Variants in XKR6 observed in about 807,000 individuals in gnomAD.
The protein encoded by XKR6 is XK related 6.
XKR6 carries 22 observed loss-of-function variants against 56.7 expected under a neutral mutation model. The observed-to-expected ratio is 0.39, with a 90% CI of 0.28 to 0.55. The LOEUF (loss-of-function observed/expected upper bound fraction) is 0.55. Ranked by LOEUF, XKR6 falls within the 20% of genes least tolerant of loss-of-function variation. The pLI is 0.66. For synonymous variants in XKR6, 524 were observed against 387.8 expected (o/e 1.35, Z -4.13); for missense variants, 852 against 889.0 (o/e 0.96, Z 0.53).
At chr8:11,107,465 G>C (rs550166006) in intron 1 of XKR6, among the ~76,000 whole-genome samples, 1 of 152,078 alleles carries the variant, frequency 6.6e-6, no homozygotes, top group African/African-American at 2.4e-5. Context: ...GATTTTAGGC[G>C]TGAGCCACCA....
chr8:11,190,567 G>C (rs1057485204), intron 1 of XKR6, among the ~76,000 whole-genome samples: 1 of 152,190 alleles, frequency 6.6e-6, no homozygotes, highest in East Asian at 1.9e-4. Flanking sequence ...TTCATCAGCA[G>C]TTACAATCAA....
chr8:10,902,064 T>C (rs375371454), intron 2 of XKR6, among the ~76,000 whole-genome samples: 2 of 152,194 alleles, frequency 1.3e-5, no homozygotes, highest in South Asian at 2.1e-4. Context: ...ACTCCCTTCA[T>C]GGCAGTGGTG....
intron 1 of XKR6, among the ~76,000 whole-genome samples, chr8:11,144,698 G>A (rs1313032500): frequency 1.3e-5 from 2 of 152,142 alleles, no homozygotes; most frequent in African/African-American, 4.8e-5. Flanking sequence ...GTAGCAAGCC[G>A]CCAAGCTCCT....
intron 1 of XKR6, among the ~76,000 whole-genome samples, chr8:10,966,521 A>G (rs1802228692): frequency 6.6e-6 from 1 of 152,042 alleles, no homozygotes; most frequent in African/African-American, 2.4e-5. Context: ...AAAATACAAA[A>G]AAATTAGCCT....
At chr8:11,154,967 A>T (rs1801445496) in intron 1 of XKR6, among the ~76,000 whole-genome samples, 1 of 152,212 alleles carries the variant, frequency 6.6e-6, no homozygotes, top group Non-Finnish European at 1.5e-5. Context: ...CCTGGAAGGG[A>T]AAGACAAATC....
intron 1 of XKR6, among the ~76,000 whole-genome samples, chr8:11,044,846 C>T (rs1483373803): frequency 3.3e-5 from 5 of 151,970 alleles, no homozygotes; most frequent in African/African-American, 1.2e-4. Context: ...TCTTGAACTC[C>T]TGACCTTGTG....
chr8:11,160,178 T>C (rs187573670), intron 1 of XKR6, among the ~76,000 whole-genome samples: 27 of 152,140 alleles, frequency 1.8e-4, no homozygotes, highest in South Asian at 1.5e-3. Context: ...TAATCACATA[T>C]GAAGAAAATG....
chr8:11,109,186 AT>A (rs1463791109), intron 1 of XKR6: 1 of 152,160 alleles, frequency 6.6e-6, no homozygotes, highest in Non-Finnish European at 1.5e-5. Flanking sequence ...TTGGAACCTT[AT>A]TTCCCTATGT....
intron 1 of XKR6, among the ~76,000 whole-genome samples, chr8:11,007,939 G>C (rs1191243870): frequency 6.6e-6 from 1 of 152,152 alleles, no homozygotes; most frequent in Non-Finnish European, 1.5e-5. Flanking sequence ...GGGGAGGGCA[G>C]GGCAGAGCAG....
chr8:11,111,414 G>A (rs1036874020), intron 1 of XKR6, among the ~76,000 whole-genome samples: 2 of 152,074 alleles, frequency 1.3e-5, no homozygotes, highest in Non-Finnish European at 2.9e-5. Context: ...GATATAATTT[G>A]GGTGGACTTT....
chr8:11,198,714 T>G (rs1165891976), intron 1 of XKR6, among the ~76,000 whole-genome samples: 1 of 152,204 alleles, frequency 6.6e-6, no homozygotes, highest in African/African-American at 2.4e-5. Flanking sequence ...CCAGGACAGA[T>G]TCCATTAGAA....
intron 1 of XKR6, among the ~76,000 whole-genome samples, chr8:11,198,840 C>T (rs1333850157): frequency 6.6e-6 from 1 of 152,012 alleles, no homozygotes; most frequent in Non-Finnish European, 1.5e-5. Context: ...GTTAAAATCT[C>T]TCTTCCCCAT....
At chr8:11,089,184 C>T (rs533528684) in intron 1 of XKR6, among the ~76,000 whole-genome samples, 6 of 152,012 alleles carry the variant, frequency 3.9e-5, no homozygotes, top group African/African-American at 1.5e-4. Context: ...CACAAGTGGC[C>T]CACCAGCGTG....
chr8:10,939,460 G>C (rs1007598464), intron 1 of XKR6, among the ~76,000 whole-genome samples: 2 of 152,226 alleles, frequency 1.3e-5, no homozygotes, highest in Non-Finnish European at 2.9e-5. Flanking sequence ...TCCTATCCTA[G>C]AGACCCAGGC....
intron 1 of XKR6, among the ~76,000 whole-genome samples, chr8:10,999,429 G>T (rs1279897422): frequency 6.6e-6 from 1 of 152,176 alleles, no homozygotes; most frequent in African/African-American, 2.4e-5. Flanking sequence ...ATAAAATGAG[G>T]CAAAATGTTG....
At chr8:10,912,220 C>G (rs1200613191) in intron 2 of XKR6, among the ~76,000 whole-genome samples, 4 of 121,264 alleles carry the variant, frequency 3.3e-5, no homozygotes, top group African/African-American at 1.2e-4. Context: ...TGTATATATA[C>G]AGAGAGAGAG....
At chr8:11,148,401 G>A (rs762879985) in intron 1 of XKR6, among the ~76,000 whole-genome samples, 1 of 152,128 alleles carries the variant, frequency 6.6e-6, no homozygotes, top group Non-Finnish European at 1.5e-5. Context: ...CAAGAAGAGG[G>A]GCCTCAGAGG....
intron 1 of XKR6, among the ~76,000 whole-genome samples, chr8:11,009,450 T>C (rs1798450804): frequency 6.6e-6 from 1 of 152,136 alleles, no homozygotes; most frequent in African/African-American, 2.4e-5. Context: ...AAGTTGAGGC[T>C]GCAGAGAAGA....
chr8:10,922,138 G>A (rs1036147638), intron 2 of XKR6, among the ~76,000 whole-genome samples: 7 of 152,238 alleles, frequency 4.6e-5, no homozygotes, highest in Non-Finnish European at 2.9e-5. Flanking sequence ...AGAACTGGGA[G>A]AAAATAAATC....
Sources: gnomAD v4.1 joint callset for allele counts (sites outside exome capture counted in the v4.1 genomes callset) on GRCh38, gnomAD v4.1.1 for gene constraint, MANE v1.5 for transcripts, NCBI Gene and HGNC (gene_info 2026-07-23, HGNC 2026-07-21) for gene names.